GBF1: variants seen among roughly 807,000 people sequenced by gnomAD.
The protein encoded by GBF1 is golgi brefeldin A resistant guanine nucleotide exchange factor 1.
Under a neutral mutation model 210.5 loss-of-function variants are expected in GBF1, and 114 were observed. The observed-to-expected ratio is 0.54, with a 90% CI of 0.47 to 0.63. The LOEUF (loss-of-function observed/expected upper bound fraction) is 0.63, where lower values mean the gene tolerates loss of function less well. Ranked by LOEUF, GBF1 falls within the 30% of genes least tolerant of loss-of-function variation. The pLI, the probability that GBF1 is intolerant of heterozygous loss-of-function variation, is 0.00. For missense variants in GBF1, 1,851 were observed against 2,357.7 expected (o/e 0.79, Z 4.45); for synonymous variants, 850 against 889.2 (o/e 0.96, Z 0.78).
At position 102,382,276 on chromosome 10, in the gene GBF1, A is replaced by T. The variant is rs774240099; in HGVS notation, c.5523A>T (p.Pro1841=). ...LNPALIEATS[P]VPLLATPRPT... ...CTGCGCTCATCGAGGCCACCTCACC[A>T]GTGCCCCTCCTGGCCACACCCCGCC... Residue 1841 remains proline, a synonymous_variant, in exon 40 of 40, where the codon CCA becomes CCT. Coordinates refer to ENST00000369983, the MANE Select transcript of GBF1 (RefSeq NM_001377137.1). The T allele has an allele frequency of 1.4e-5, 22 of 1,613,878 alleles. No individual in the cohort carries two copies. The South Asian group carries it at 2.4e-4, about 18-fold the overall frequency.
chr10:102,314,738 T>C (rs763045326), intron 3 of GBF1, among the ~76,000 whole-genome samples: 20 of 152,244 alleles, frequency 1.3e-4, no homozygotes, highest in Non-Finnish European at 2.9e-4. Context: ...ATAATTTCTT[T>C]GGTAAATAAT....
At chr10:102,256,447 T>G (rs959945982) in intron 1 of GBF1, among the ~76,000 whole-genome samples, 7 of 152,084 alleles carry the variant, frequency 4.6e-5, no homozygotes, top group Admixed American at 3.9e-4. Flanking sequence ...ACATAAATTA[T>G]ATACCTCTTA....
chr10:102,289,192 G>C (rs562566867), intron 3 of GBF1, among the ~76,000 whole-genome samples: 32 of 152,164 alleles, frequency 2.1e-4, no homozygotes, highest in Non-Finnish European at 3.4e-4. Flanking sequence ...GATGAGGACT[G>C]CACAGGCAGA....
the GBF1 span, among the ~76,000 whole-genome samples, chr10:102,239,849 G>GCCA: frequency 6.6e-6 from 1 of 152,222 alleles, no homozygotes; most frequent in African/African-American, 2.4e-5. Context: ...AGTCAGGGCT[G>GCCA]TATCCCAGCT....
chr10:102,252,329 A>G (rs1312408399), intron 1 of GBF1, among the ~76,000 whole-genome samples: 1 of 149,394 alleles, frequency 6.7e-6, no homozygotes, highest in African/African-American at 2.5e-5. Flanking sequence ...CAAGGGGGAA[A>G]CGCTGTCTCA....
intron 3 of GBF1, among the ~76,000 whole-genome samples, chr10:102,273,662 A>T (rs1225322976): frequency 6.6e-6 from 1 of 152,234 alleles, no homozygotes; most frequent in Non-Finnish European, 1.5e-5. Flanking sequence ...GAGGCACCTT[A>T]GCCCCCTTGA....
intron 3 of GBF1, among the ~76,000 whole-genome samples, chr10:102,322,295 G>C (rs1330479540): frequency 1.3e-5 from 2 of 152,180 alleles, no homozygotes; most frequent in Non-Finnish European, 2.9e-5. Context: ...AAATTAGTAT[G>C]GAGAGAATTG....
intron 8 of GBF1, among the ~76,000 whole-genome samples, chr10:102,356,319 T>C (rs2059285618): frequency 6.6e-6 from 1 of 152,222 alleles, no homozygotes; most frequent in Non-Finnish European, 1.5e-5. Context: ...TTCTGCTCTC[T>C]TTAGAGTCAT....
chr10:102,252,278 C>T (rs2071639699), intron 1 of GBF1, among the ~76,000 whole-genome samples: 1 of 149,970 alleles, frequency 6.7e-6, no homozygotes, highest in Non-Finnish European at 1.5e-5. Context: ...GCAGAGGTTA[C>T]GGTGAGCCGA....
rs767694724 is a variant in GBF1, at chr10:102,369,339, C to T, written c.3102C>T (p.Ala1034=). 7.4e-6 allele frequency: 12 copies of T among 1,613,860 alleles called. No individual in the cohort carries two copies. The highest frequency in any genetic ancestry group is 2.2e-5 in the East Asian group (1 of 44,902). Residue 1034 remains alanine (A), a synonymous_variant, in exon 24 of 40, where the codon GCC becomes GCT. Coordinates refer to ENST00000369983, the MANE Select transcript of GBF1 (RefSeq NM_001377137.1). ...AGGGCTGGAAGAATATCATGGAGGC[C>T]ATGCTGCAGCTCTTCCGAGCCCAAC... ...LREGWKNIME[A]MLQLFRAQLL...
chr10:102,241,746 C>A (rs569915792), upstream of GBF1, among the ~76,000 whole-genome samples: 112 of 152,382 alleles, frequency 7.3e-4, no homozygotes, highest in Admixed American at 4.4e-3. The surrounding 1 kb of genome is among the most constrained non-coding windows in gnomAD (Gnocchi z 6.7). Context: ...CGCGCCCCTC[C>A]CCACGTGGCA....
In GBF1 at chr10:102,382,057, C is replaced by G. The variant is rs149068621; in HGVS notation, c.5304C>G (p.Asp1768Glu). 26 of 1,536,878 alleles carry G rather than the reference C, an allele frequency of 1.7e-5. No individual in the cohort carries two copies. In the African/African-American group the frequency reaches 3.0e-4, roughly 18 times the overall value. Residue 1768 changes from aspartate (D) to glutamate (E), a missense_variant and splice_region_variant, in exon 40 of 40, where the codon GAC (aspartate) becomes GAG (glutamate). Physicochemically the swap from Asp to Glu is conservative, Grantham distance 45. Transcript: ENST00000369983. ...PEIPSELGAC[D>E]FEKPESPRAA... ...GTAACCACCTTGCTTTCCCTACAGA[C>G]TTTGAGAAGCCCGAGAGCCCCCGAG...
intron 3 of GBF1, among the ~76,000 whole-genome samples, chr10:102,340,427 C>A (rs1169649762): frequency 6.6e-6 from 1 of 152,040 alleles, no homozygotes; most frequent in Non-Finnish European, 1.5e-5. Flanking sequence ...GCTCCCGCCA[C>A]CACGCCTGGC....
At chr10:102,321,858 AC>A (rs1308089828) in intron 3 of GBF1, among the ~76,000 whole-genome samples, 1 of 150,946 alleles carries the variant, frequency 6.6e-6, no homozygotes, top group East Asian at 2.0e-4. Flanking sequence ...GAGCCACTGC[AC>A]CCAGCCTGTT....
At chr10:102,230,673 GGCGGCAGCC>G in the GBF1 span, 2 of 1,586,398 alleles carry the variant, frequency 1.3e-6, no homozygotes, top group African/African-American at 1.3e-5. Flanking sequence ...AGGGGGAAGA[GGCGGCAGCC>G]GCGGCGGCGG....
intron 1 of GBF1, among the ~76,000 whole-genome samples, chr10:102,251,674 C>T (rs1452975018): frequency 6.6e-6 from 1 of 152,142 alleles, no homozygotes; most frequent in African/African-American, 2.4e-5. Flanking sequence ...CTGCCTTAGC[C>T]TCCCAAGTAG....
In GBF1 at chr10:102,353,645, C is replaced by T. The variant is rs1435308616; in HGVS notation, c.630C>T (p.Asn210=). 1.9e-6 allele frequency: 3 copies of T among 1,608,598 alleles called. No homozygotes were observed. Among genetic ancestry groups the T allele is most frequent in the Non-Finnish European group, 2.6e-6 (3 of 1,174,936 alleles). ...KEEPKNYVGT[N]MKKLKMRAGG... is the part of the protein sequence containing the mutation. The stretch of plus-strand genomic sequence containing the variant: ...AACCCAAGAACTATGTGGGGACCAA[C>T]ATGAAGAAGGTATGATCTGAGAGCT... Residue 210 remains asparagine (N), a synonymous_variant, in exon 8 of 40, where the codon AAC becomes AAT. Transcript: ENST00000369983.
At chr10:102,280,377 G>T (rs578141268) in intron 3 of GBF1, among the ~76,000 whole-genome samples, 103 of 152,240 alleles carry the variant, frequency 6.8e-4, no homozygotes, top group African/African-American at 2.2e-3. Flanking sequence ...GAGATGGGGT[G>T]AATGAAATTG....
chr10:102,283,235 G>A (rs1016285419), intron 3 of GBF1, among the ~76,000 whole-genome samples: 1 of 152,176 alleles, frequency 6.6e-6, no homozygotes, highest in African/African-American at 2.4e-5. Context: ...TGGGAAAGGG[G>A]ATCATTCTCC....
Sources: allele counts gnomAD v4.1 joint callset (sites outside exome capture counted in the v4.1 genomes callset), GRCh38; gene constraint gnomAD v4.1.1; non-coding constraint Gnocchi (gnomAD v3.1); transcripts MANE v1.5; gene names NCBI Gene and HGNC (gene_info 2026-07-23, HGNC 2026-07-21).